The following GSG1L variants were observed in gnomAD, a reference collection of about 807,000 sequenced individuals.
GSG1L encodes GSG1 like, also known as germ cell-specific gene 1-like protein.
In GSG1L, 24 loss-of-function variants were observed where a neutral mutation model predicts 42.1. The observed-to-expected ratio is 0.57, with a 90% CI of 0.41 to 0.80. The LOEUF (loss-of-function observed/expected upper bound fraction) is 0.80, where lower values mean the gene tolerates loss of function less well. GSG1L is among the 30% of genes least tolerant of loss of function. The pLI is 0.00. For synonymous variants in GSG1L, 215 were observed against 203.5 expected (o/e 1.06, Z -0.48); for missense variants, 445 against 472.2 (o/e 0.94, Z 0.53).
At chr16:27,835,912 G>C (rs184385821) in intron 4 of GSG1L, among the ~76,000 whole-genome samples, 123 of 152,246 alleles carry the variant, frequency 8.1e-4, no homozygotes, top group African/African-American at 2.8e-3. Context: ...CTCAAAAGGA[G>C]AAGTAAAGTT....
chr16:27,987,216 CAAAAAAA>C (rs36025627), intron 1 of GSG1L, among the ~76,000 whole-genome samples: 1 of 132,156 alleles, frequency 7.6e-6, no homozygotes, highest in East Asian at 2.2e-4. Context: ...AACTCCGTCT[CAAAAAAA>C]AAAAAAAAAA....
intron 6 of GSG1L, among the ~76,000 whole-genome samples, chr16:27,803,806 TATAG>T (rs2082918452): frequency 7.2e-6 from 1 of 139,186 alleles, no homozygotes; most frequent in African/African-American, 2.7e-5. Flanking sequence ...GATAGATAGA[TATAG>T]ATATAGATAT....
At chr16:28,032,946 A>G (rs762325125) in intron 1 of GSG1L, among the ~76,000 whole-genome samples, 6 of 152,132 alleles carry the variant, frequency 3.9e-5, no homozygotes, top group Non-Finnish European at 8.8e-5. Context: ...ATCAGAATGC[A>G]CTTTTGTTAA....
intron 2 of GSG1L, among the ~76,000 whole-genome samples, chr16:27,915,128 C>T (rs1372037723): frequency 6.6e-6 from 1 of 151,700 alleles, no homozygotes; most frequent in Non-Finnish European, 1.5e-5. Flanking sequence ...AGGCAAAACC[C>T]AGGCTGATGG....
chr16:27,807,638 C>A, intron 5 of GSG1L, 84 bp from the exon 6 acceptor site: 1 of 1,101,700 alleles, frequency 9.1e-7, no homozygotes, highest in Non-Finnish European at 1.3e-6. Context: ...TGAAAAAGTG[C>A]AATCTTCCCC....
chr16:28,007,589 T>G (rs2085658986), intron 1 of GSG1L, among the ~76,000 whole-genome samples: 1 of 152,114 alleles, frequency 6.6e-6, no homozygotes. Context: ...CACAGGTCAC[T>G]GCCACCTCAA....
At chr16:28,025,280 G>T (rs1477124295) in intron 1 of GSG1L, among the ~76,000 whole-genome samples, 1 of 152,136 alleles carries the variant, frequency 6.6e-6, no homozygotes, top group Non-Finnish European at 1.5e-5. Context: ...GGAGCCACTG[G>T]GCCTGGCCAG....
chr16:27,989,025 C>G (rs561891299), intron 1 of GSG1L, among the ~76,000 whole-genome samples: 7 of 142,008 alleles, frequency 4.9e-5, no homozygotes, highest in African/African-American at 1.8e-4. Context: ...TGCACTCCAG[C>G]CTAGGTGACA....
Position 27,791,434 on chromosome 16 carries a change from CG to C in GSG1L, c.931del (p.Arg311GlyfsTer10). The C allele has an allele frequency of 2.6e-6, 4 of 1,520,160 alleles. No individual in the cohort carries two copies. Among genetic ancestry groups the C allele is most frequent in the South Asian group, 1.3e-5 (1 of 78,370 alleles). The allele number at this position is 1,520,160 out of a possible 1,614,324, so 94.2% of individuals were successfully genotyped here. On this transcript the variant is annotated frameshift_variant, in exon 7 of 7. Coordinates refer to ENST00000447459, the MANE Select transcript of GSG1L (RefSeq NM_001109763.2). LOFTEE classifies it high-confidence loss of function. ...CTCTGGTGCTTCCTGTGCGGAGCTC[CG>C]GGGCCAGGAATCCGCCATGTGTGGC... ...HQPHMADSWP[R>X]SSAQEAPELN...
chr16:27,877,256 G>A (rs1340650909), intron 3 of GSG1L, among the ~76,000 whole-genome samples: 1 of 152,138 alleles, frequency 6.6e-6, no homozygotes, highest in Non-Finnish European at 1.5e-5. Context: ...TTGCTTGGCT[G>A]GGAGAGCACG....
intron 1 of GSG1L, among the ~76,000 whole-genome samples, chr16:28,010,075 G>A (rs530619025): frequency 6.6e-6 from 1 of 152,290 alleles, no homozygotes; most frequent in Middle Eastern, 3.4e-3. Flanking sequence ...AGAGGGAAGC[G>A]GCTTTGCACG....
Position 27,884,518 on chromosome 16 carries a change from T to G in GSG1L, c.518A>C (p.Asn173Thr), listed in dbSNP as rs1318323113. The G allele has an allele frequency of 6.2e-7, 1 of 1,613,914 alleles. No individual in the cohort carries two copies. Among genetic ancestry groups the G allele is most frequent in the East Asian group, 2.2e-5 (1 of 44,862 alleles). The change falls in exon 3 of 7, where the codon AAT becomes ACT. Residue 173 changes from asparagine (N) to threonine (T), a missense_variant. By Grantham distance (65) the Asn-to-Thr change is moderately conservative (BLOSUM62 0). Coordinates refer to ENST00000447459, the MANE Select transcript of GSG1L (RefSeq NM_001109763.2). The surrounding 1 kb of genome is among the most constrained non-coding windows in gnomAD (Gnocchi z 4.4). ...CACCGTGAAGACAGCCGCGAAGGCA[T>G]TGAGCTTGAGCCCGTCGATGACATT... ...SSNVIDGLKL[N>T]AFAAVFTVLS...
chr16:27,886,520 T>C (rs1460979047), intron 2 of GSG1L, among the ~76,000 whole-genome samples: 3 of 152,202 alleles, frequency 2.0e-5, no homozygotes, highest in East Asian at 1.9e-4. Flanking sequence ...TGCACAGCAA[T>C]GTAAGGAGCT....
At chr16:27,974,816 T>C (rs2085233453) in intron 1 of GSG1L, among the ~76,000 whole-genome samples, 1 of 152,150 alleles carries the variant, frequency 6.6e-6, no homozygotes, top group African/African-American at 2.4e-5. Flanking sequence ...TGAACTGACA[T>C]GCTGGTCATC....
chr16:28,056,071 A>T (rs1337494070), intron 1 of GSG1L, among the ~76,000 whole-genome samples: 2 of 152,162 alleles, frequency 1.3e-5, no homozygotes. Flanking sequence ...CTCGCTGCCC[A>T]CAGAAGCCCT....
chr16:28,037,530 C>G (rs2086054385), intron 1 of GSG1L, among the ~76,000 whole-genome samples: 1 of 152,180 alleles, frequency 6.6e-6, no homozygotes, highest in Non-Finnish European at 1.5e-5. Flanking sequence ...AGAGAAGAGA[C>G]AGACCATCAC....
intron 1 of GSG1L, among the ~76,000 whole-genome samples, chr16:27,997,426 T>A (rs1460734601): frequency 7.1e-6 from 1 of 141,690 alleles, no homozygotes; most frequent in African/African-American, 2.5e-5. Flanking sequence ...TTCAAGCAAT[T>A]CTCCTGCCTC....
chr16:27,866,877 T>C (rs1005063447), intron 3 of GSG1L, among the ~76,000 whole-genome samples: 1 of 152,108 alleles, frequency 6.6e-6, no homozygotes, highest in South Asian at 2.1e-4. Context: ...CGGCCCTCAC[T>C]TTCACTTTTC....
chr16:27,888,397 TCTC>T (rs1279185660), intron 2 of GSG1L, among the ~76,000 whole-genome samples: 8 of 147,316 alleles, frequency 5.4e-5, no homozygotes, highest in South Asian at 4.4e-4. Flanking sequence ...TCTTTTCTTT[TCTC>T]CTTCTTTCTT....
Sources: gnomAD v4.1 joint callset for allele counts (sites outside exome capture counted in the v4.1 genomes callset) on GRCh38, gnomAD v4.1.1 for gene constraint, Gnocchi (gnomAD v3.1) non-coding constraint, MANE v1.5 for transcripts, NCBI Gene and HGNC (gene_info 2026-07-23, HGNC 2026-07-21) for gene names.